ADAMTS17: variants seen among roughly 807,000 people sequenced by gnomAD.
ADAMTS17 encodes A disintegrin and metalloproteinase with thrombospondin motifs 17.
In ADAMTS17, 113 loss-of-function variants were observed where a neutral mutation model predicts 141.5. That is an observed-to-expected ratio of 0.80 (90% CI 0.69 to 0.93). The LOEUF (loss-of-function observed/expected upper bound fraction) is 0.93. Among genes scored for constraint, ADAMTS17 ranks in the 40% least tolerant of loss-of-function variants. The probability of loss-of-function intolerance (pLI) is 0.00; values close to 1 mark genes in which losing one functional copy is unlikely to be tolerated. For synonymous variants in ADAMTS17, 768 were observed against 630.6 expected, an observed-to-expected ratio of 1.22 and a Z score of -3.27; for missense variants, 1,659 against 1,517.9, an observed-to-expected ratio of 1.09 and a Z score of -1.54.
At chr15:100,006,807 A>T (rs1182217590) in intron 18 of ADAMTS17, among the ~76,000 whole-genome samples, 1 of 152,218 alleles carries the variant, frequency 6.6e-6, no homozygotes, top group Non-Finnish European at 1.5e-5. Context: ...TGATTCTCTG[A>T]GCATCTGTTA....
At position 100,341,297 on chromosome 15, in the gene ADAMTS17, GCGTCGCCGC is replaced by G. The variant is rs1468901831; in HGVS notation, c.183_191del (p.Arg62_Arg64del). ...GCGGGGCGGCTGGGGGCGTGCGGGG[GCGTCGCCGC>G]CGTCGGGGCCCGGGGGCTGCGGGCA... is the stretch of plus-strand genomic sequence containing the variant. On this transcript the variant is annotated inframe_deletion, in exon 2 of 22. Transcript: ENST00000268070. 1.8e-6 allele frequency: 2 copies of G among 1,104,584 alleles called. No homozygotes were observed. Among genetic ancestry groups the G allele is most frequent in the African/African-American group, 3.4e-5 (2 of 59,640 alleles). 68.4% of individuals were successfully genotyped at this position (1,104,584 alleles called of 1,614,324 possible).
intron 15 of ADAMTS17, 23 bp from the exon 16 acceptor site, chr15:100,054,077 A>C (rs746261991): frequency 1.9e-6 from 3 of 1,613,986 alleles, no homozygotes; most frequent in Admixed American, 3.3e-5. Flanking sequence ...TTGAAGACCA[A>C]AGAATCAAGG....
intron 18 of ADAMTS17, among the ~76,000 whole-genome samples, chr15:100,021,034 G>T (rs1172712877): frequency 1.3e-5 from 2 of 152,162 alleles, no homozygotes; most frequent in Admixed American, 1.3e-4. Context: ...CCTTGGTTCA[G>T]TCTGTGGCTT....
At chr15:100,330,748 TG>T in intron 3 of ADAMTS17, 140 bp downstream of exon 3, 1 of 1,019,398 alleles carries the variant, frequency 9.8e-7, no homozygotes, top group Non-Finnish European at 1.4e-6. Flanking sequence ...GAAAAGGAAG[TG>T]GTCTCAGGGC....
At chr15:100,056,212 G>T (rs1480047533) in intron 15 of ADAMTS17, among the ~76,000 whole-genome samples, 2 of 152,128 alleles carry the variant, frequency 1.3e-5, no homozygotes, top group Non-Finnish European at 2.9e-5. Flanking sequence ...ATAGGCAAAG[G>T]GTGCATGGAC....
intron 3 of ADAMTS17, among the ~76,000 whole-genome samples, chr15:100,327,219 G>A (rs890694214): frequency 2.0e-5 from 3 of 152,186 alleles, no homozygotes; most frequent in African/African-American, 4.8e-5. Flanking sequence ...CGTATTATAC[G>A]TGCAAATTCT....
chr15:100,270,593 T>C (rs72757204), intron 4 of ADAMTS17, among the ~76,000 whole-genome samples: 135 of 151,846 alleles, frequency 8.9e-4, no homozygotes, highest in Non-Finnish European at 1.5e-3. Context: ...CATTCATTTA[T>C]GCATTCACTG....
At chr15:100,129,174 C>G (rs1006687727) in intron 12 of ADAMTS17, 1 of 152,174 alleles carries the variant, frequency 6.6e-6, no homozygotes, top group Non-Finnish European at 1.5e-5. Context: ...AGATAAGACA[C>G]GTAACGTGCC....
intron 15 of ADAMTS17, among the ~76,000 whole-genome samples, chr15:100,076,638 G>A (rs2141776883): frequency 6.6e-6 from 1 of 152,242 alleles, no homozygotes; most frequent in African/African-American, 2.4e-5. Context: ...ACTTTCCTTG[G>A]TTTACAGTGA....
intron 7 of ADAMTS17, among the ~76,000 whole-genome samples, chr15:100,215,492 A>G (rs1264340871): frequency 6.6e-6 from 1 of 152,128 alleles, no homozygotes; most frequent in Non-Finnish European, 1.5e-5. Context: ...TGTGCACTAT[A>G]GACAACTCCA....
At chr15:100,339,154 C>T in intron 2 of ADAMTS17, 1 of 985,462 alleles carries the variant, frequency 1.0e-6, no homozygotes, top group South Asian at 4.7e-5. Context: ...GGCCAGGTTC[C>T]TTTATCTAAA....
rs2039736445 is a variant in ADAMTS17 at position 100,162,412 on chromosome 15, G to GTCCTATATACCTATATATATATATACC, written c.1182-7093_1182-7092insGGTATATATATATATAGGTATATAGGA. ...TAACTATCTATATGTGTATATATGT[G>GTCCTATATACCTATATATATATATACC]TATATATAACTATATAGTTATATAT... is the stretch of plus-strand genomic sequence containing the variant. On this transcript the variant is annotated intron_variant, in intron 8 of 21. Coordinates refer to ENST00000268070, the MANE Select transcript of ADAMTS17 (RefSeq NM_139057.4). Among the ~76,000 whole-genome samples, 10 of 143,636 alleles carry GTCCTATATACCTATATATATATATACC rather than the reference G, an allele frequency of 7.0e-5. No individual in the cohort carries two copies. The Admixed American group carries it at 7.0e-4, about 10-fold the overall frequency. The allele number at this position is 143,636 out of a possible 152,430, so 94.2% of individuals were successfully genotyped here. A position where few individuals can be genotyped will look rare whatever the true frequency, so the allele number is the denominator to read the frequency against.
intron 3 of ADAMTS17, among the ~76,000 whole-genome samples, chr15:100,286,008 C>T (rs1257674757): frequency 1.3e-5 from 2 of 152,156 alleles, no homozygotes; most frequent in Non-Finnish European, 1.5e-5. Context: ...GCCTTCAATG[C>T]CCGAACAGGG....
intron 5 of ADAMTS17, among the ~76,000 whole-genome samples, chr15:100,261,884 A>C (rs556746275): frequency 6.6e-6 from 1 of 152,328 alleles, no homozygotes; most frequent in South Asian, 2.1e-4. Flanking sequence ...TCTTTTCTGC[A>C]AACAGAACAG....
rs188854336 is a variant in ADAMTS17, at chr15:100,037,506, G to A, written c.2591+11351C>T. 4.0e-5 allele frequency among the ~76,000 whole-genome samples: 6 copies of A among 151,738 alleles called. No individual in the cohort carries two copies. In the East Asian group the frequency reaches 9.8e-4, roughly 25 times the overall value. On this transcript the variant is annotated intron_variant, in intron 18 of 21. Coordinates refer to ENST00000268070, the MANE Select transcript of ADAMTS17 (RefSeq NM_139057.4). ...GCTCACTGCAACCTTCGCCTCTGGG[G>A]CTCAAGCCATTCTCATGCCTGTCCC...
intron 3 of ADAMTS17, among the ~76,000 whole-genome samples, chr15:100,299,348 C>CATCT (rs2044942363): frequency 1.3e-5 from 2 of 151,490 alleles, no homozygotes; most frequent in Non-Finnish European, 2.9e-5. Flanking sequence ...GCAGGACAGT[C>CATCT]ATCTCACAGC....
At chr15:100,317,434 C>T (rs1378991007) in intron 3 of ADAMTS17, among the ~76,000 whole-genome samples, 3 of 152,154 alleles carry the variant, frequency 2.0e-5, no homozygotes, top group Non-Finnish European at 2.9e-5. Flanking sequence ...GAAATGAGGA[C>T]CCAGGTTCCC....
At chr15:100,162,062 A>G (rs2039714986) in intron 8 of ADAMTS17, among the ~76,000 whole-genome samples, 1 of 152,034 alleles carries the variant, frequency 6.6e-6, no homozygotes. Flanking sequence ...GGAATCACCA[A>G]TGGATAAATA....
intron 7 of ADAMTS17, among the ~76,000 whole-genome samples, chr15:100,224,192 G>A (rs569457678): frequency 6.6e-6 from 1 of 152,300 alleles, no homozygotes; most frequent in African/African-American, 2.4e-5. Context: ...ATCCAGTCAA[G>A]TTGACACTCG....
Sources: gnomAD v4.1 joint callset for allele counts (sites outside exome capture counted in the v4.1 genomes callset) on GRCh38, gnomAD v4.1.1 for gene constraint, MANE v1.5 for transcripts, NCBI Gene and HGNC (gene_info 2026-07-23, HGNC 2026-07-21) for gene names.